C4BPA: variants seen among roughly 807,000 people sequenced by gnomAD.
The protein encoded by C4BPA is C4b-binding protein alpha chain.
In C4BPA, 31 loss-of-function variants were observed where a neutral mutation model predicts 63.7. That is an observed-to-expected ratio of 0.49 (90% CI 0.37 to 0.66). The LOEUF (loss-of-function observed/expected upper bound fraction) is 0.66, where lower values mean the gene tolerates loss of function less well. Among genes scored for constraint, C4BPA ranks in the 30% least tolerant of loss-of-function variants. The pLI, the probability that C4BPA is intolerant of heterozygous loss-of-function variation, is 0.00. For synonymous variants in C4BPA, 259 were observed against 254.7 expected (o/e 1.02, Z -0.16); for missense variants, 572 against 723.3 (o/e 0.79, Z 2.40).
In C4BPA at chr1:207,133,534, T is replaced by G. The variant is rs993311532; in HGVS notation, c.1085-870T>G. ...ACCCCAGCACTTTGGGAGGCCGAGG[T>G]GGGGGGCCACTTGAGGCCAGGAGTT... On this transcript the variant is annotated intron_variant, in intron 8 of 11. Transcript: ENST00000367070. 2.0e-5 allele frequency among the ~76,000 whole-genome samples: 3 copies of G among 152,144 alleles called. No homozygotes were observed. In the East Asian group the frequency reaches 5.8e-4, roughly 29 times the overall value.
At chr1:207,111,779 T>C (rs1684672709) in intron 1 of C4BPA, among the ~76,000 whole-genome samples, 1 of 152,174 alleles carries the variant, frequency 6.6e-6, no homozygotes. Flanking sequence ...TAAATGTATA[T>C]GGGCTTTGTA....
intron 1 of C4BPA, among the ~76,000 whole-genome samples, chr1:207,111,580 C>T (rs1684668878): frequency 6.6e-6 from 1 of 152,128 alleles, no homozygotes; most frequent in Non-Finnish European, 1.5e-5. Context: ...TATAAACTTC[C>T]CTTCTCCCAC....
rs144560410 is a variant in C4BPA, at chr1:207,119,645, C to T, written c.428+4130C>T. ...ATTCCCTTTGAGCTGAGTCATATCT[C>T]CCCTTTGATATTCTATAACTTAAAT... On this transcript the variant is annotated intron_variant, in intron 4 of 11. Transcript: ENST00000367070. Among the ~76,000 whole-genome samples the T allele has an allele frequency of 9.5e-4, 88 of 92,882 alleles. 33 individuals are homozygous for T. In the East Asian group the frequency reaches 0.036, roughly 38 times the overall value. The allele number at this position is 92,882 out of a possible 152,430, so 60.9% of individuals were successfully genotyped here.
In C4BPA at chr1:207,113,101, T is replaced by C; in HGVS notation, c.76T>C (p.Trp26Arg). Residue 26 changes from tryptophan to arginine, a missense_variant, in exon 2 of 12, where the codon TGG (tryptophan) becomes CGG (arginine). Transcript: ENST00000367070. Reference protein sequence around the residue: ...KMAAWPFSRLWKVSDPILFQM... With the variant: ...KMAAWPFSRLRKVSDPILFQM... ...GGCAGCCTGGCCCTTCTCCAGGCTGTGGAAAGTCTCTGATCCAATTCTCTT... is the reference window on the plus strand; with the variant it reads ...GGCAGCCTGGCCCTTCTCCAGGCTGCGGAAAGTCTCTGATCCAATTCTCTT... 1 of 1,610,962 alleles carries C rather than the reference T, an allele frequency of 6.2e-7. No homozygotes were observed. The highest frequency in any genetic ancestry group is 1.1e-5 in the South Asian group (1 of 90,446).
chr1:207,124,804 T>C (rs1007087022), intron 6 of C4BPA, among the ~76,000 whole-genome samples: 2 of 152,236 alleles, frequency 1.3e-5, no homozygotes, highest in African/African-American at 4.8e-5. Context: ...GAAAGGCCAA[T>C]TGTGTCCTGG....
intron 4 of C4BPA, among the ~76,000 whole-genome samples, chr1:207,123,103 A>G (rs12037840): frequency 0.6 from 90,680 of 152,084 alleles, 28,018 homozygotes; most frequent in East Asian, 0.73. Flanking sequence ...GATGCTGTTG[A>G]AACACTAAGG....
At chr1:207,135,754 C>T (rs748753228) in intron 9 of C4BPA, among the ~76,000 whole-genome samples, 70 of 152,298 alleles carry the variant, frequency 4.6e-4, no homozygotes, top group South Asian at 2.1e-4. Flanking sequence ...TCAAGCATTG[C>T]CTCCCAGCTG....
chr1:207,132,443 C>A (rs1429201010), intron 8 of C4BPA, among the ~76,000 whole-genome samples: 1 of 152,164 alleles, frequency 6.6e-6, no homozygotes, highest in African/African-American at 2.4e-5. Context: ...GAGGTGAAGA[C>A]ACTGAGGCCA....
chr1:207,116,366 G>GTT (rs11406457), intron 4 of C4BPA, among the ~76,000 whole-genome samples: 3 of 151,418 alleles, frequency 2.0e-5, no homozygotes, highest in Admixed American at 6.6e-5. Context: ...CCTGGTTGTT[G>GTT]TTTTTTTTCC....
rs975561151 is a variant in C4BPA, at chr1:207,141,144, A to G, written c.1312A>G (p.Lys438Glu). The change falls in exon 10 of 12, where the codon AAA (lysine) becomes GAA (glutamate). Residue 438 changes from lysine (K) to glutamate (E), a missense_variant. Physicochemically the swap from Lys to Glu is moderately conservative, Grantham distance 56. Transcript: ENST00000367070. ...TCCTAAAATTGCCCATGGGCATTAT[A>G]AACAATCTAGTTCATACAGCTTTTT... ...FPPKIAHGHY[K>E]QSSSYSFFKE... is the part of the protein sequence containing the mutation. The G allele has an allele frequency of 1.9e-6, 3 of 1,612,840 alleles. No individual in the cohort carries two copies. Among genetic ancestry groups the G allele is most frequent in the Non-Finnish European group, 2.5e-6 (3 of 1,179,366 alleles).
At chr1:207,137,849 C>T (rs1478446834) in intron 9 of C4BPA, among the ~76,000 whole-genome samples, 1 of 152,208 alleles carries the variant, frequency 6.6e-6, no homozygotes, top group Non-Finnish European at 1.5e-5. Flanking sequence ...AACTCCTGAC[C>T]TGAAGTGATC....
At chr1:207,135,865 G>T (rs1374858440) in intron 9 of C4BPA, among the ~76,000 whole-genome samples, 1 of 152,164 alleles carries the variant, frequency 6.6e-6, no homozygotes, top group Non-Finnish European at 1.5e-5. Context: ...CCATGAGCAT[G>T]GTCCCAACAA....
At chr1:207,123,451 C>A (rs759231203) in intron 4 of C4BPA, among the ~76,000 whole-genome samples, 1 of 151,838 alleles carries the variant, frequency 6.6e-6, no homozygotes, top group African/African-American at 2.4e-5. Context: ...GGCAGGAAGA[C>A]GAACTGAGGA....
At chr1:207,131,862 A>G (rs879394633) in intron 8 of C4BPA, 122 bp downstream of exon 8, 1 of 678,964 alleles carries the variant, frequency 1.5e-6, no homozygotes, top group Non-Finnish European at 2.5e-6. Context: ...AATTCAACAG[A>G]TTAGTAAACT....
intron 1 of C4BPA, among the ~76,000 whole-genome samples, chr1:207,106,441 G>GTT (rs757122192): frequency 3.9e-4 from 46 of 118,410 alleles, no homozygotes; most frequent in South Asian, 5.4e-4. Flanking sequence ...CTCCGTGTAA[G>GTT]TTTTTTTTTT....
At chr1:207,140,215 A>G (rs1685385011) in intron 9 of C4BPA, among the ~76,000 whole-genome samples, 2 of 152,088 alleles carry the variant, frequency 1.3e-5, no homozygotes, top group Admixed American at 1.3e-4. Context: ...TCCTCTTTTC[A>G]GGGAATTCCT....
At chr1:207,118,213 G>GTCTATCTA (rs35838980) in intron 4 of C4BPA, among the ~76,000 whole-genome samples, 30,583 of 137,328 alleles carry the variant, frequency 0.22, 3,479 homozygotes, top group East Asian at 0.35. Flanking sequence ...TCTATCATCT[G>GTCTATCTA]TCTATCTATC....
At chr1:207,122,934 T>C (rs1162798431) in intron 4 of C4BPA, among the ~76,000 whole-genome samples, 3 of 152,218 alleles carry the variant, frequency 2.0e-5, no homozygotes, top group Non-Finnish European at 4.4e-5. Context: ...GGTTATCCAA[T>C]TAAGCCTATG....
intron 1 of C4BPA, among the ~76,000 whole-genome samples, chr1:207,106,664 A>G (rs529455776): frequency 6.6e-6 from 1 of 152,204 alleles, no homozygotes; most frequent in South Asian, 2.1e-4. Flanking sequence ...GATGGTCTCG[A>G]CTTCCTGACC....
Sources: allele counts gnomAD v4.1 joint callset (sites outside exome capture counted in the v4.1 genomes callset), GRCh38; gene constraint gnomAD v4.1.1; transcripts MANE v1.5; gene names NCBI Gene and HGNC (gene_info 2026-07-23, HGNC 2026-07-21).